Variants in TRPV1 observed in about 807,000 individuals in gnomAD.
TRPV1 encodes transient receptor potential cation channel subfamily V member 1, also known as OTRPC1.
TRPV1 carries 82 observed loss-of-function variants against 82.3 expected under a neutral mutation model. That is an observed-to-expected ratio of 1.00 (90% CI 0.83 to 1.20). The LOEUF is 1.20. TRPV1 is among the 50% of genes most tolerant of loss of function. The probability of loss-of-function intolerance (pLI) is 0.00; values close to 1 mark genes in which losing one functional copy is unlikely to be tolerated. For missense variants in TRPV1, 1,067 were observed against 1,096.8 expected, an observed-to-expected ratio of 0.97 and a Z score of 0.38; for synonymous variants, 515 against 467.7, an observed-to-expected ratio of 1.10 and a Z score of -1.30.
At chr17:3,605,131 G>C (rs1345527080) in intron 2 of TRPV1, among the ~76,000 whole-genome samples, 2 of 152,110 alleles carry the variant, frequency 1.3e-5, no homozygotes, top group African/African-American at 4.8e-5. Context: ...TTGAATCCTA[G>C]CACTGTGATC....
rs1340384256 is a variant in TRPV1 at position 3,573,964 on chromosome 17, C to T, written c.1781-9G>A. On this transcript the variant is annotated splice_polypyrimidine_tract_variant and intron_variant, in intron 13 of 16. Coordinates refer to ENST00000572705, the MANE Select transcript of TRPV1 (RefSeq NM_080704.4). ...AATCAGCGTCACCACCGCTACAGGG[C>T]ACAGGGAGGGCGGGGTGCCACTGGA... is the stretch of plus-strand genomic sequence containing the variant. 6.3e-7 allele frequency: 1 copy of T among 1,584,856 alleles called. No individual in the cohort carries two copies.
chr17:3,579,167 A>T (rs1436483581), intron 11 of TRPV1, among the ~76,000 whole-genome samples: 2 of 152,198 alleles, frequency 1.3e-5, no homozygotes, highest in Non-Finnish European at 2.9e-5. Flanking sequence ...AAGTACCCTG[A>T]AATCTAAATT....
At chr17:3,579,075 C>A (rs2074972519) in intron 11 of TRPV1, among the ~76,000 whole-genome samples, 1 of 152,108 alleles carries the variant, frequency 6.6e-6, no homozygotes. Flanking sequence ...CTATCAGGTA[C>A]TATGTTCACT....
rs199980960 is a variant in TRPV1 at position 3,591,176 on chromosome 17, G to A, written c.451+11C>T. 125 of 1,608,298 alleles carry A rather than the reference G, an allele frequency of 7.8e-5. No individual in the cohort carries two copies. The highest frequency in any genetic ancestry group is 2.7e-4 in the South Asian group (24 of 90,162). The stretch of plus-strand genomic sequence containing the variant: ...GGCTGGGGCCCTCCCCGAGCCCAGC[G>A]CTGGGGCCACCTTTGAACTCGTTGT... On this transcript the variant is annotated intron_variant, in intron 4 of 16. Coordinates refer to ENST00000572705, the MANE Select transcript of TRPV1 (RefSeq NM_080704.4).
chr17:3,604,693 G>T (rs996302505), intron 2 of TRPV1, among the ~76,000 whole-genome samples: 6 of 152,174 alleles, frequency 3.9e-5, no homozygotes, highest in South Asian at 2.1e-4. Context: ...TGTGGACGGG[G>T]TCAAGGCCCA....
chr17:3,576,513 G>A lies in TRPV1; in HGVS notation c.1780+613C>T, dbSNP rs1043180931. On this transcript the variant is annotated intron_variant, in intron 13 of 16. Coordinates refer to ENST00000572705, the MANE Select transcript of TRPV1 (RefSeq NM_080704.4). ...TAAAAATACAAAAAATTAGCCAGGC[G>A]TGGTAGCAGGCACTTGTAGTCCCAG... Among the ~76,000 whole-genome samples the A allele has an allele frequency of 8.4e-4, 128 of 151,672 alleles. 2 individuals are homozygous for A. In the Middle Eastern group the frequency reaches 0.02, roughly 24 times the overall value.
rs1201389858 is a variant in TRPV1, at chr17:3,573,881, G to T, written c.1855C>A (p.Pro619Thr). 6 of 1,573,690 alleles carry T rather than the reference G, an allele frequency of 3.8e-6. No homozygotes were observed. In the Admixed American group the frequency reaches 5.3e-5, roughly 14 times the overall value. The change falls in exon 14 of 17, where the codon CCT becomes ACT. Residue 619 changes from proline (P) to threonine (T), a missense_variant. By Grantham distance (38) the Pro-to-Thr change is conservative (BLOSUM62 -1). Coordinates refer to ENST00000572705, the MANE Select transcript of TRPV1 (RefSeq NM_080704.4). ...SESTSHRWRGPACRPPDSSYN... is the reference protein window; with the variant it reads ...SESTSHRWRGTACRPPDSSYN... ...GAGCTATCGGGGGGCCTGCAGGCAGGCCCCCGCCACCTGTGCGACGTGGAC... is the reference window on the plus strand; with the variant it reads ...GAGCTATCGGGGGGCCTGCAGGCAGTCCCCCGCCACCTGTGCGACGTGGAC...
At chr17:3,572,984 G>T in intron 14 of TRPV1, among the ~76,000 whole-genome samples, 1 of 71,264 alleles carries the variant, frequency 1.4e-5, no homozygotes, top group African/African-American at 5.3e-5. Flanking sequence ...CTCCATCTCA[G>T]AAAAAAAAAA....
At chr17:3,574,438 C>T (rs1205934104) in intron 13 of TRPV1, among the ~76,000 whole-genome samples, 1 of 152,204 alleles carries the variant, frequency 6.6e-6, no homozygotes, top group African/African-American at 2.4e-5. Context: ...CCACAAACCC[C>T]CCCGGCCTAG....
Position 3,586,116 on chromosome 17 carries a change from G to A in TRPV1, c.1225-190C>T, listed in dbSNP as rs527750279. The stretch of plus-strand genomic sequence containing the variant: ...TGGTCCCAGCACTGCCGCGGCTCAC[G>A]GAGGGACCTGCCCTCTTGGCCTCAG... On this transcript the variant is annotated intron_variant, in intron 8 of 16. Transcript: ENST00000572705. Among the ~76,000 whole-genome samples the A allele has an allele frequency of 5.1e-4, 77 of 152,338 alleles. 1 individual carries two copies. Among genetic ancestry groups the A allele is most frequent in the African/African-American group, 8.7e-4 (36 of 41,572 alleles).
intron 11 of TRPV1, 103 bp downstream of exon 11, chr17:3,580,354 G>A: frequency 8.7e-7 from 1 of 1,150,170 alleles, no homozygotes; most frequent in Non-Finnish European, 1.3e-6. Flanking sequence ...CATGTTCACT[G>A]AGGTCCCACT....
intron 14 of TRPV1, among the ~76,000 whole-genome samples, chr17:3,572,640 A>C (rs1439821845): frequency 6.6e-6 from 1 of 150,834 alleles, no homozygotes; most frequent in African/African-American, 2.5e-5. Flanking sequence ...TGTGGCCTTG[A>C]GCACAGATAC....
intron 2 of TRPV1, among the ~76,000 whole-genome samples, chr17:3,599,488 A>ATTTTT (rs2075246111): frequency 3.3e-5 from 5 of 151,710 alleles, no homozygotes; most frequent in African/African-American, 9.7e-5. Context: ...GTCTTTATGA[A>ATTTTT]TTTAACTATT....
At chr17:3,582,017 C>CT (rs2075024276) in intron 10 of TRPV1, among the ~76,000 whole-genome samples, 1 of 146,800 alleles carries the variant, frequency 6.8e-6, no homozygotes, top group South Asian at 2.2e-4. Flanking sequence ...GGTGAAACCC[C>CT]GTCTCTACTA....
chr17:3,594,161 A>AAAAAAAAG (rs1233566819), intron 2 of TRPV1, among the ~76,000 whole-genome samples: 1 of 110,276 alleles, frequency 9.1e-6, no homozygotes, highest in African/African-American at 1.5e-4. Context: ...AAGAAGCAGC[A>AAAAAAAAG]GCAGCAGCAG....
At chr17:3,596,229 C>T (rs549326775) in intron 2 of TRPV1, among the ~76,000 whole-genome samples, 1 of 152,258 alleles carries the variant, frequency 6.6e-6, no homozygotes, top group East Asian at 1.9e-4. Flanking sequence ...GGGAAGGATC[C>T]CTTCTCTCCC....
chr17:3,589,057 GGA>G, intron 7 of TRPV1: 6 of 1,256,564 alleles, frequency 4.8e-6, no homozygotes, highest in Non-Finnish European at 6.7e-6. Context: ...AGGCTGAGGT[GGA>G]AGGATCACTT....
intron 11 of TRPV1, among the ~76,000 whole-genome samples, chr17:3,579,767 C>T (rs575426117): frequency 9.8e-5 from 15 of 152,308 alleles, no homozygotes; most frequent in South Asian, 4.1e-4. Context: ...TGAGCCACTG[C>T]GCCCGGCCAT....
At chr17:3,592,511 C>T (rs957556938) in intron 2 of TRPV1, 128 bp from the exon 3 acceptor site, 2 of 936,930 alleles carry the variant, frequency 2.1e-6, no homozygotes, top group Admixed American at 5.6e-5. Flanking sequence ...CTGCTGCCCC[C>T]AGCCCCCTAG....
Sources: gnomAD v4.1 joint callset for allele counts (sites outside exome capture counted in the v4.1 genomes callset) on GRCh38, gnomAD v4.1.1 for gene constraint, MANE v1.5 for transcripts, NCBI Gene and HGNC (gene_info 2026-07-23, HGNC 2026-07-21) for gene names.